The following RIMS2 variants were observed in gnomAD, a reference collection of about 807,000 sequenced individuals.
RIMS2 encodes the protein regulating synaptic membrane exocytosis protein 2.
A neutral mutation model predicts 174.4 loss-of-function variants in RIMS2; 59 were observed. The ratio of observed to expected loss-of-function variants is 0.34; its 90% confidence interval spans 0.27 to 0.42. RIMS2 has a LOEUF of 0.42. Among genes scored for constraint, RIMS2 ranks in the 10% least tolerant of loss-of-function variants. RIMS2 has a pLI of 1.00. For synonymous variants in RIMS2, 606 were observed against 572.5 expected (o/e 1.06, Z -0.84); for missense variants, 1,620 against 1,666.3 (o/e 0.97, Z 0.48).
At chr8:103,598,902 T>C (rs978346947) in intron 1 of RIMS2, among the ~76,000 whole-genome samples, 2 of 151,632 alleles carry the variant, frequency 1.3e-5, no homozygotes, top group Non-Finnish European at 2.9e-5. Flanking sequence ...AGATAGGATC[T>C]TTATTTTTTT....
At chr8:104,059,761 T>A (rs1302341785) in intron 19 of RIMS2, among the ~76,000 whole-genome samples, 2 of 151,984 alleles carry the variant, frequency 1.3e-5, no homozygotes, top group Non-Finnish European at 2.9e-5. Flanking sequence ...CCTAATTTAT[T>A]GAGAGTTTTT....
intron 3 of RIMS2, among the ~76,000 whole-genome samples, chr8:103,860,008 G>A (rs2099050232): frequency 6.6e-6 from 1 of 151,954 alleles, no homozygotes; most frequent in African/African-American, 2.4e-5. Flanking sequence ...AAAATATCAT[G>A]TCACAAGACT....
chr8:103,670,484 A>T (rs1326428249), intron 1 of RIMS2, among the ~76,000 whole-genome samples: 1 of 152,210 alleles, frequency 6.6e-6, no homozygotes, highest in African/African-American at 2.4e-5. Flanking sequence ...GTCAGGCTGC[A>T]AATTTTCTGA....
At chr8:104,120,007 A>G (rs916708055) in intron 19 of RIMS2, among the ~76,000 whole-genome samples, 9 of 152,222 alleles carry the variant, frequency 5.9e-5, no homozygotes, top group African/African-American at 1.7e-4. Context: ...GTTTTTTAGC[A>G]TATTTCCTTA....
chr8:103,765,933 CA>C (rs1424270961), intron 2 of RIMS2, among the ~76,000 whole-genome samples: 1 of 151,998 alleles, frequency 6.6e-6, no homozygotes, highest in African/African-American at 2.4e-5. Context: ...GTGTATTACA[CA>C]ATGCCTCTAA....
At chr8:103,948,962 C>CA (rs35186477) in intron 14 of RIMS2, among the ~76,000 whole-genome samples, 38,396 of 139,972 alleles carry the variant, frequency 0.27, 5,324 homozygotes, top group Middle Eastern at 0.37. Flanking sequence ...CCCATTTTTA[C>CA]AAAAAAAAAA....
intron 2 of RIMS2, among the ~76,000 whole-genome samples, chr8:103,704,384 A>G (rs954087759): frequency 6.6e-6 from 1 of 151,710 alleles, no homozygotes; most frequent in Non-Finnish European, 1.5e-5. Flanking sequence ...AGATTTTTGC[A>G]TCTATGTTCG....
intron 3 of RIMS2, among the ~76,000 whole-genome samples, chr8:103,858,572 CATATAT>C (rs774507375): frequency 7.3e-5 from 11 of 151,084 alleles, no homozygotes; most frequent in Non-Finnish European, 1.6e-4. Flanking sequence ...AAAACTTAAC[CATATAT>C]ATGTACACAT....
intron 19 of RIMS2, among the ~76,000 whole-genome samples, chr8:104,168,717 C>G (rs1191108638): frequency 1.3e-5 from 2 of 152,096 alleles, no homozygotes; most frequent in African/African-American, 4.8e-5. Flanking sequence ...GCATCCTTGT[C>G]TTGTTCCAGT....
At chr8:103,961,502 C>G (rs1347555582) in intron 15 of RIMS2, among the ~76,000 whole-genome samples, 1 of 151,974 alleles carries the variant, frequency 6.6e-6, no homozygotes, top group Non-Finnish European at 1.5e-5. Flanking sequence ...CTAAATATGT[C>G]AAATGTTTAA....
At chr8:103,942,665 G>A in intron 13 of RIMS2, 108 bp from the exon 16 acceptor site, 1 of 760,732 alleles carries the variant, frequency 1.3e-6, no homozygotes, top group East Asian at 2.8e-5. Context: ...TGTTTTTCAT[G>A]TAATAGCATT....
intron 19 of RIMS2, among the ~76,000 whole-genome samples, chr8:104,204,132 A>C (rs2099068607): frequency 6.6e-6 from 1 of 152,208 alleles, no homozygotes; most frequent in South Asian, 2.1e-4. Context: ...CCCTGAGTAC[A>C]CTTGGCCATA....
intron 2 of RIMS2, among the ~76,000 whole-genome samples, chr8:103,714,477 G>A (rs1011863305): frequency 6.6e-6 from 1 of 152,124 alleles, no homozygotes; most frequent in Non-Finnish European, 1.5e-5. Context: ...GAAGTGAGAG[G>A]CAAGTGATGG....
intron 3 of RIMS2, among the ~76,000 whole-genome samples, chr8:103,799,363 A>G (rs1564681905): frequency 6.6e-6 from 1 of 152,202 alleles, no homozygotes; most frequent in African/African-American, 2.4e-5. Context: ...TTTATTTGAC[A>G]TCCCATTAGT....
At chr8:103,685,621 A>G (rs1048983325) in intron 1 of RIMS2, among the ~76,000 whole-genome samples, 1 of 152,182 alleles carries the variant, frequency 6.6e-6, no homozygotes, top group East Asian at 1.9e-4. Context: ...GCTCCTTTGT[A>G]AAAAATGTTA....
intron 1 of RIMS2, among the ~76,000 whole-genome samples, chr8:103,614,340 T>C (rs2134328275): frequency 6.6e-6 from 1 of 152,356 alleles, no homozygotes; most frequent in African/African-American, 2.4e-5. Context: ...CTGTGTAATG[T>C]CCCCCAGTCA....
intron 12 of RIMS2, among the ~76,000 whole-genome samples, chr8:103,934,335 G>C (rs139574746): frequency 2.4e-4 from 36 of 152,050 alleles, no homozygotes; most frequent in African/African-American, 8.7e-4. Context: ...CATGCTTATT[G>C]ATCTTAGTGT....
intron 11 of RIMS2, chr8:103,927,945 G>GT: frequency 6.8e-7 from 1 of 1,477,422 alleles, no homozygotes; most frequent in Non-Finnish European, 9.2e-7. Context: ...CTATTTGTAT[G>GT]TTTTTGGAAA....
At chr8:104,198,252 A>G (rs969269355) in intron 19 of RIMS2, among the ~76,000 whole-genome samples, 5 of 152,224 alleles carry the variant, frequency 3.3e-5, no homozygotes, top group Admixed American at 3.3e-4. Flanking sequence ...GTGCTGGCAG[A>G]GTCGCAAAAA....
Sources: gnomAD v4.1 joint callset for allele counts (sites outside exome capture counted in the v4.1 genomes callset) on GRCh38, gnomAD v4.1.1 for gene constraint, MANE v1.5 for transcripts, NCBI Gene and HGNC (gene_info 2026-07-23, HGNC 2026-07-21) for gene names.